The following ALK variants were observed in gnomAD, a reference collection of about 807,000 sequenced individuals.
ALK encodes the protein ALK receptor tyrosine kinase.
ALK carries 74 observed loss-of-function variants against 163.1 expected under a neutral mutation model. The ratio of observed to expected loss-of-function variants is 0.45; its 90% CI spans 0.38 to 0.55. The LOEUF is 0.55. Ranked by LOEUF, ALK falls within the 20% of genes least tolerant of loss-of-function variation. ALK has a pLI of 0.00. For synonymous variants in ALK, 960 were observed against 843.2 expected (o/e 1.14, Z -2.40); for missense variants, 2,063 against 2,105.3 (o/e 0.98, Z 0.39).
At chr2:29,911,161 T>A (rs188360936) in intron 1 of ALK, among the ~76,000 whole-genome samples, 15 of 152,340 alleles carry the variant, frequency 9.8e-5, no homozygotes, top group Admixed American at 7.2e-4. Context: ...GGTAGCACCA[T>A]GGACAGCTAA....
intron 4 of ALK, among the ~76,000 whole-genome samples, chr2:29,470,875 T>G (rs1045782014): frequency 6.6e-6 from 1 of 152,154 alleles, no homozygotes; most frequent in Non-Finnish European, 1.5e-5. Context: ...TGTCTTCAGA[T>G]ATGTAAAATA....
At chr2:29,387,366 A>G (rs1669056290) in intron 4 of ALK, among the ~76,000 whole-genome samples, 1 of 152,154 alleles carries the variant, frequency 6.6e-6, no homozygotes, top group Non-Finnish European at 1.5e-5. Flanking sequence ...CGGACCAGCC[A>G]TTTTTGCAGA....
chr2:29,229,129 C>A, intron 15 of ALK, 63 bp from the exon 16 acceptor site: 1 of 1,529,078 alleles, frequency 6.5e-7, no homozygotes, highest in Non-Finnish European at 9.0e-7. Context: ...CCATGCTGGC[C>A]AGAGAAGCAG....
intron 4 of ALK, among the ~76,000 whole-genome samples, chr2:29,451,909 A>C (rs1265461844): frequency 3.3e-5 from 5 of 152,192 alleles, no homozygotes; most frequent in Non-Finnish European, 5.9e-5. Context: ...TGTGTTGTCG[A>C]ATAGGGCAGC....
chr2:29,787,374 C>G (rs1046022580), intron 1 of ALK, among the ~76,000 whole-genome samples: 3 of 152,172 alleles, frequency 2.0e-5, no homozygotes, highest in African/African-American at 4.8e-5. Context: ...TTTTCTATGA[C>G]TGAGCCAAAA....
chr2:29,828,470 GA>G, intron 1 of ALK, among the ~76,000 whole-genome samples: 1 of 152,030 alleles, frequency 6.6e-6, no homozygotes. Flanking sequence ...AAATTTACAA[GA>G]AAAAAACAAC....
chr2:29,321,417 CAG>C (rs1667042302), intron 6 of ALK, among the ~76,000 whole-genome samples: 2 of 152,220 alleles, frequency 1.3e-5, no homozygotes, highest in Non-Finnish European at 2.9e-5. Context: ...TACCTGTCTG[CAG>C]AGACACATAT....
chr2:29,773,378 C>A (rs1681080897), intron 1 of ALK, among the ~76,000 whole-genome samples: 1 of 152,140 alleles, frequency 6.6e-6, no homozygotes, highest in South Asian at 2.1e-4. Flanking sequence ...CCAAAACAAT[C>A]TTTCAGGGGC....
intron 3 of ALK, among the ~76,000 whole-genome samples, chr2:29,652,474 C>A (rs1677063446): frequency 6.6e-6 from 1 of 152,196 alleles, no homozygotes; most frequent in Non-Finnish European, 1.5e-5. Context: ...GATCCCATTT[C>A]TTGGCATTCA....
chr2:29,569,604 C>T (rs1674297773), intron 3 of ALK, among the ~76,000 whole-genome samples: 2 of 152,086 alleles, frequency 1.3e-5, no homozygotes, highest in African/African-American at 4.8e-5. Flanking sequence ...TCTCCTTTTA[C>T]AGATGAGGAC....
intron 5 of ALK, among the ~76,000 whole-genome samples, chr2:29,379,822 A>G (rs1014973165): frequency 6.6e-6 from 1 of 152,254 alleles, no homozygotes; most frequent in Non-Finnish European, 1.5e-5. Flanking sequence ...TATAGAAAGA[A>G]TAAGACACAC....
At chr2:29,858,957 G>A (rs1351644963) in intron 1 of ALK, among the ~76,000 whole-genome samples, 2 of 150,066 alleles carry the variant, frequency 1.3e-5, no homozygotes, top group African/African-American at 2.5e-5. Flanking sequence ...TGCTTGAACC[G>A]AGGAGGTGGA....
chr2:29,335,139 G>A (rs1573247420), intron 5 of ALK, among the ~76,000 whole-genome samples: 1 of 152,316 alleles, frequency 6.6e-6, no homozygotes, highest in East Asian at 1.9e-4. Flanking sequence ...TTCTGCCCAT[G>A]TGGTTCCTGG....
chr2:29,849,189 G>T (rs1251059587), intron 1 of ALK, among the ~76,000 whole-genome samples: 1 of 152,204 alleles, frequency 6.6e-6, no homozygotes, highest in African/African-American at 2.4e-5. Context: ...TTCCCCACCA[G>T]CTGCTCTGGG....
At chr2:29,801,239 G>A (rs923578157) in intron 1 of ALK, among the ~76,000 whole-genome samples, 1 of 151,924 alleles carries the variant, frequency 6.6e-6, no homozygotes, top group African/African-American at 2.4e-5. Flanking sequence ...AAGAAACATG[G>A]AAAACAATAA....
At chr2:29,409,680 C>T (rs1480788883) in intron 4 of ALK, among the ~76,000 whole-genome samples, 4 of 152,170 alleles carry the variant, frequency 2.6e-5, no homozygotes, top group Non-Finnish European at 4.4e-5. Context: ...TCATCCTCTT[C>T]CTCTATGACC....
chr2:29,758,919 C>T (rs1166723551), intron 1 of ALK, among the ~76,000 whole-genome samples: 2 of 152,076 alleles, frequency 1.3e-5, no homozygotes, highest in Non-Finnish European at 2.9e-5. Context: ...TTTATAGGGT[C>T]GGTGTTTCCT....
At chr2:29,737,067 A>T (rs1231150912) in intron 1 of ALK, among the ~76,000 whole-genome samples, 1 of 152,092 alleles carries the variant, frequency 6.6e-6, no homozygotes, top group Admixed American at 6.5e-5. Context: ...ATAAAATCTT[A>T]TCCAGTAAAA....
chr2:29,315,033 TA>T (rs1422207652), intron 8 of ALK, among the ~76,000 whole-genome samples: 1 of 151,932 alleles, frequency 6.6e-6, no homozygotes, highest in Non-Finnish European at 1.5e-5. Flanking sequence ...CTCAGAAAAA[TA>T]AAAATAAAAA....
Sources: allele counts gnomAD v4.1 joint callset (sites outside exome capture counted in the v4.1 genomes callset), GRCh38; gene constraint gnomAD v4.1.1; transcripts MANE v1.5; gene names NCBI Gene and HGNC (gene_info 2026-07-23, HGNC 2026-07-21).